CCDC6: variants seen among roughly 807,000 people sequenced by gnomAD.
The protein encoded by CCDC6 is coiled-coil domain-containing protein 6.
In CCDC6, 20 loss-of-function variants were observed where a neutral mutation model predicts 56.6. The observed-to-expected ratio is 0.35, with a 90% CI of 0.25 to 0.51. CCDC6 has a LOEUF of 0.51. CCDC6 is among the 20% of genes least tolerant of loss of function. The probability of loss-of-function intolerance (pLI) is 0.95; values close to 1 mark genes in which losing one functional copy is unlikely to be tolerated. For missense variants in CCDC6, 367 were observed against 601.1 expected (o/e 0.61, Z 4.07); for synonymous variants, 241 against 234.4 (o/e 1.03, Z -0.26).
intron 7 of CCDC6, 96 bp from the exon 8 acceptor site, chr10:59,794,693 C>A (rs545738565): frequency 6.0e-6 from 6 of 1,007,730 alleles, no homozygotes; most frequent in African/African-American, 1.6e-5. Context: ...TTCTCTATCA[C>A]CCACAAAAAT....
chr10:59,813,257 A>C (rs1344341839), intron 4 of CCDC6, among the ~76,000 whole-genome samples: 2 of 152,212 alleles, frequency 1.3e-5, no homozygotes, highest in African/African-American at 4.8e-5. Context: ...CTCAACTTCT[A>C]AAATTCCCTC....
intron 1 of CCDC6, among the ~76,000 whole-genome samples, chr10:59,868,233 G>C (rs2071193995): frequency 6.6e-6 from 1 of 152,158 alleles, no homozygotes; most frequent in South Asian, 2.1e-4. Context: ...AGAGGATTAA[G>C]GCCCTGAGTT....
chr10:59,823,324 A>C (rs575624237), intron 3 of CCDC6, among the ~76,000 whole-genome samples: 1 of 152,018 alleles, frequency 6.6e-6, no homozygotes, highest in East Asian at 1.9e-4. Flanking sequence ...ACAGTAACAC[A>C]CCCTCTGGGG....
At chr10:59,820,751 A>G (rs2070743447) in intron 3 of CCDC6, among the ~76,000 whole-genome samples, 1 of 149,674 alleles carries the variant, frequency 6.7e-6, no homozygotes, top group Non-Finnish European at 1.5e-5. Flanking sequence ...CTGTCTCAAA[A>G]AAAAAGAACG....
At chr10:59,837,630 C>T (rs189695202) in intron 2 of CCDC6, among the ~76,000 whole-genome samples, 2,133 of 151,138 alleles carry the variant, frequency 0.014, 22 homozygotes, top group Non-Finnish European at 0.022. Context: ...CCTGTAGTCC[C>T]AGCTACTCAG....
At chr10:59,873,351 C>G (rs2071248403) in intron 1 of CCDC6, among the ~76,000 whole-genome samples, 2 of 152,006 alleles carry the variant, frequency 1.3e-5, no homozygotes, top group Admixed American at 6.6e-5. Context: ...CAGAAACATA[C>G]AAGGAGAAGA....
chr10:59,823,627 G>C (rs537728672), intron 3 of CCDC6, among the ~76,000 whole-genome samples: 1 of 151,818 alleles, frequency 6.6e-6, no homozygotes, highest in South Asian at 2.1e-4. Context: ...TTGCCCTAAT[G>C]TGATTTATCC....
intron 1 of CCDC6, among the ~76,000 whole-genome samples, chr10:59,866,497 A>T (rs1428077623): frequency 1.3e-5 from 2 of 152,240 alleles, no homozygotes; most frequent in Non-Finnish European, 2.9e-5. Flanking sequence ...ATACTCGTAT[A>T]ACACTGGACA....
intron 1 of CCDC6, among the ~76,000 whole-genome samples, chr10:59,876,675 G>C (rs2071284447): frequency 6.7e-6 from 1 of 149,240 alleles, no homozygotes. Flanking sequence ...CTTTTACACA[G>C]CACATATACA....
At position 59,821,703 on chromosome 10, in the gene CCDC6, G is replaced by A. The variant is rs553021946; in HGVS notation, c.583-6948C>T. 2.0e-5 allele frequency among the ~76,000 whole-genome samples: 3 copies of A among 152,184 alleles called. No individual in the cohort carries two copies. The East Asian group carries it at 5.8e-4, about 29-fold the overall frequency. ...GCAAGGAAAAGGGGGAGGAAGAGTG[G>A]TCACTTCCTAGACTAGAAGATCAAA... On this transcript the variant is annotated intron_variant, in intron 3 of 8. Transcript: ENST00000263102.
At chr10:59,808,882 T>A (rs2070649700) in intron 5 of CCDC6, among the ~76,000 whole-genome samples, 3 of 152,212 alleles carry the variant, frequency 2.0e-5, no homozygotes, top group African/African-American at 7.2e-5. Flanking sequence ...CTCTTGAATA[T>A]CCTTATTTTA....
At chr10:59,843,514 A>G (rs1201054968) in intron 2 of CCDC6, among the ~76,000 whole-genome samples, 3 of 152,256 alleles carry the variant, frequency 2.0e-5, no homozygotes, top group African/African-American at 7.2e-5. Context: ...TATAGTAAGC[A>G]TGGTTGCTTT....
At chr10:59,838,709 C>G (rs1420576960) in intron 2 of CCDC6, among the ~76,000 whole-genome samples, 1 of 152,126 alleles carries the variant, frequency 6.6e-6, no homozygotes, top group Non-Finnish European at 1.5e-5. Flanking sequence ...CTTTTGGTGA[C>G]CATACTGGTC....
intron 3 of CCDC6, among the ~76,000 whole-genome samples, chr10:59,828,868 T>C (rs1186868963): frequency 6.6e-6 from 1 of 152,216 alleles, no homozygotes; most frequent in Non-Finnish European, 1.5e-5. Flanking sequence ...CACTGTCTCA[T>C]GTCCCCACTA....
chr10:59,849,652 C>A (rs767594235), intron 2 of CCDC6, among the ~76,000 whole-genome samples: 6 of 152,146 alleles, frequency 3.9e-5, no homozygotes, highest in Non-Finnish European at 8.8e-5. Context: ...CTCTCAGTGG[C>A]CTTTGGGTGA....
At chr10:59,802,987 T>C (rs1647885662) in intron 7 of CCDC6, among the ~76,000 whole-genome samples, 1 of 152,244 alleles carries the variant, frequency 6.6e-6, no homozygotes, top group Non-Finnish European at 1.5e-5. Flanking sequence ...TCTTGACTCA[T>C]GACTTCCTTT....
intron 3 of CCDC6, among the ~76,000 whole-genome samples, chr10:59,831,647 G>A (rs2070836571): frequency 6.6e-6 from 1 of 152,222 alleles, no homozygotes; most frequent in African/African-American, 2.4e-5. Context: ...CCAGGTAGCA[G>A]TACACTAGCA....
At chr10:59,841,529 C>A (rs969135950) in intron 2 of CCDC6, among the ~76,000 whole-genome samples, 1 of 152,206 alleles carries the variant, frequency 6.6e-6, no homozygotes, top group Non-Finnish European at 1.5e-5. Flanking sequence ...AAGTTTTCCA[C>A]TTACACAATA....
intron 2 of CCDC6, among the ~76,000 whole-genome samples, chr10:59,850,016 A>T (rs77634131): frequency 0.012 from 1,862 of 152,274 alleles, 53 homozygotes; most frequent in East Asian, 0.061. Context: ...CCTGAACTGG[A>T]CAACAATAGA....
Sources: allele counts gnomAD v4.1 joint callset (sites outside exome capture counted in the v4.1 genomes callset), GRCh38; gene constraint gnomAD v4.1.1; transcripts MANE v1.5; gene names NCBI Gene and HGNC (gene_info 2026-07-23, HGNC 2026-07-21).